Variants in PIAS2 observed in about 807,000 individuals in gnomAD.
PIAS2 encodes E3 SUMO-protein ligase PIAS2.
Under a neutral mutation model 69.7 loss-of-function variants are expected in PIAS2, and 19 were observed. That is an observed-to-expected ratio of 0.27 (90% CI 0.19 to 0.40). The LOEUF (loss-of-function observed/expected upper bound fraction) is 0.40. PIAS2 is among the 10% of genes least tolerant of loss of function. PIAS2 has a pLI of 1.00. For synonymous variants in PIAS2, 261 were observed against 263.2 expected (o/e 0.99, Z 0.08); for missense variants, 624 against 757.0 (o/e 0.82, Z 2.06).
chr18:46,867,700 A>C (rs1403963515), intron 2 of PIAS2, among the ~76,000 whole-genome samples: 7 of 152,220 alleles, frequency 4.6e-5, no homozygotes, highest in Non-Finnish European at 8.8e-5. Flanking sequence ...TATTTTCCAA[A>C]TATAACCACA....
chr18:46,875,201 T>C (rs1320691715), intron 2 of PIAS2, among the ~76,000 whole-genome samples: 1 of 152,152 alleles, frequency 6.6e-6, no homozygotes, highest in Non-Finnish European at 1.5e-5. Context: ...TAGATAAGTA[T>C]CTATGTCCGT....
intron 5 of PIAS2, among the ~76,000 whole-genome samples, chr18:46,854,566 A>G (rs2047454512): frequency 6.6e-6 from 1 of 152,184 alleles, no homozygotes; most frequent in Non-Finnish European, 1.5e-5. Flanking sequence ...CCAGTTCTAC[A>G]TTTATTATTT....
intron 2 of PIAS2, among the ~76,000 whole-genome samples, chr18:46,881,963 G>A (rs1261058429): frequency 6.6e-6 from 1 of 152,186 alleles, no homozygotes; most frequent in Non-Finnish European, 1.5e-5. Flanking sequence ...TGGGCATGGT[G>A]ACACATGCCT....
intron 1 of PIAS2, among the ~76,000 whole-genome samples, chr18:46,900,086 T>A (rs918532344): frequency 6.6e-6 from 1 of 152,088 alleles, no homozygotes; most frequent in African/African-American, 2.4e-5. Context: ...AAAAATTGGC[T>A]GGGCATGGTG....
intron 3 of PIAS2, among the ~76,000 whole-genome samples, chr18:46,858,156 G>A (rs994812118): frequency 2.0e-5 from 3 of 151,250 alleles, no homozygotes; most frequent in Non-Finnish European, 4.4e-5. Flanking sequence ...AGTTAACCTA[G>A]GAAACACAAA....
chr18:46,844,851 C>CAA lies in PIAS2; in HGVS notation c.862-14_862-13dup. 9.1e-7 allele frequency: 1 copy of CAA among 1,104,970 alleles called. No homozygotes were observed. The allele number at this position is 1,104,970 out of a possible 1,614,324, so 68.4% of individuals were successfully genotyped here. ...GACATAGAGTAATTCTACAAACAAA[C>CAA]AAAAAAAACCTGCATTAAAGATGAG... On this transcript the variant is annotated splice_polypyrimidine_tract_variant and intron_variant, in intron 6 of 13. Transcript: ENST00000585916.
At chr18:46,837,580 C>T (rs1599561444) in intron 8 of PIAS2, among the ~76,000 whole-genome samples, 1 of 152,190 alleles carries the variant, frequency 6.6e-6, no homozygotes, top group Non-Finnish European at 1.5e-5. Flanking sequence ...ATATGAACTG[C>T]AAATATATTT....
chr18:46,857,449 T>A (rs4890340), intron 3 of PIAS2, among the ~76,000 whole-genome samples: 34 of 152,296 alleles, frequency 2.2e-4, no homozygotes, highest in Non-Finnish European at 3.7e-4. Flanking sequence ...ATTAGTCCAA[T>A]CTAACTAGAA....
At chr18:46,822,360 A>G (rs549404076) in intron 11 of PIAS2, among the ~76,000 whole-genome samples, 1 of 152,346 alleles carries the variant, frequency 6.6e-6, no homozygotes, top group Non-Finnish European at 1.5e-5. Flanking sequence ...TAGGAAGCTT[A>G]TGACATATAA....
At chr18:46,919,299 C>T (rs1397202903), upstream of PIAS2, among the ~76,000 whole-genome samples, 1 of 151,962 alleles carries the variant, frequency 6.6e-6, no homozygotes, top group Non-Finnish European at 1.5e-5. Flanking sequence ...CCAGCCTGAC[C>T]AACATGGAGA....
At chr18:46,889,366 C>T (rs72913080) in intron 2 of PIAS2, among the ~76,000 whole-genome samples, 11,698 of 152,172 alleles carry the variant, frequency 0.077, 488 homozygotes, top group African/African-American at 0.1. Flanking sequence ...CCAGAATATA[C>T]AGAGAACTCC....
intron 11 of PIAS2, among the ~76,000 whole-genome samples, chr18:46,824,603 C>A (rs1275424707): frequency 6.6e-6 from 1 of 152,082 alleles, no homozygotes; most frequent in Non-Finnish European, 1.5e-5. Flanking sequence ...ATCAAAATGG[C>A]AATGATTCTC....
chr18:46,873,812 C>T (rs2050738801), intron 2 of PIAS2, among the ~76,000 whole-genome samples: 2 of 152,164 alleles, frequency 1.3e-5, no homozygotes, highest in African/African-American at 4.8e-5. Context: ...AGGGAATAAC[C>T]TTCAGACCAA....
At position 46,808,820 on chromosome 18, in the gene PIAS2, G is replaced by GC. The variant is rs2040833765; in HGVS notation, c.*3612dup. On this transcript the variant is annotated 3_prime_UTR_variant, in exon 14 of 14. Transcript: ENST00000585916. ...TAAAGAAAGAATGGTCCGGCTAAGT[G>GC]CTTTTTTTTTTTTTTTTTTTTTTAA... 7.6e-6 allele frequency: 1 copy of GC among 131,066 alleles called. No individual in the cohort carries two copies. Among genetic ancestry groups the GC allele is most frequent in the African/African-American group, 3.0e-5 (1 of 33,000 alleles). 8.1% of individuals were successfully genotyped at this position (131,066 alleles called of 1,614,324 possible).
intron 1 of PIAS2, among the ~76,000 whole-genome samples, chr18:46,916,216 G>A (rs1252042760): frequency 2.6e-5 from 4 of 152,098 alleles, no homozygotes; most frequent in Non-Finnish European, 5.9e-5. Context: ...CGTCCACTAA[G>A]CAGGTAACCA....
chr18:46,882,804 C>G (rs1349225902), intron 2 of PIAS2, among the ~76,000 whole-genome samples: 1 of 152,164 alleles, frequency 6.6e-6, no homozygotes, highest in Non-Finnish European at 1.5e-5. Context: ...GTGCAAAACT[C>G]TAGGGAACAC....
intron 5 of PIAS2, among the ~76,000 whole-genome samples, chr18:46,847,778 G>C (rs1030022872): frequency 1.3e-5 from 2 of 152,240 alleles, no homozygotes; most frequent in Admixed American, 1.3e-4. Flanking sequence ...CACAGTGCCC[G>C]GCCAACTGTT....
chr18:46,896,254 T>C (rs1394531225), intron 1 of PIAS2, among the ~76,000 whole-genome samples: 3 of 137,456 alleles, frequency 2.2e-5, no homozygotes, highest in Non-Finnish European at 3.2e-5. Context: ...TATGGTCTTA[T>C]AAATGAAAAA....
chr18:46,916,707 A>G (rs116425739), intron 1 of PIAS2: 6,016 of 523,816 alleles, frequency 0.011, 269 homozygotes, highest in African/African-American at 0.11. Flanking sequence ...ATTTCTTACT[A>G]AAACACTAAG....
Sources: allele counts gnomAD v4.1 joint callset (sites outside exome capture counted in the v4.1 genomes callset), GRCh38; gene constraint gnomAD v4.1.1; transcripts MANE v1.5; gene names NCBI Gene and HGNC (gene_info 2026-07-23, HGNC 2026-07-21).